SLC35F3: variants seen among roughly 807,000 people sequenced by gnomAD.
SLC35F3 encodes the protein putative thiamine transporter SLC35F3.
A neutral mutation model predicts 49.9 loss-of-function variants in SLC35F3; 25 were observed. The observed-to-expected ratio is 0.50, with a 90% CI of 0.37 to 0.70. SLC35F3 has a LOEUF of 0.70. Among genes scored for constraint, SLC35F3 ranks in the 30% least tolerant of loss-of-function variants. The pLI, the probability that SLC35F3 is intolerant of heterozygous loss-of-function variation, is 0.00. For synonymous variants in SLC35F3, 275 were observed against 265.4 expected, an observed-to-expected ratio of 1.04 and a Z score of -0.35; for missense variants, 525 against 639.8, an observed-to-expected ratio of 0.82 and a Z score of 1.94.
At chr1:234,143,364 T>C (rs144294012) in intron 2 of SLC35F3, among the ~76,000 whole-genome samples, 167 of 151,104 alleles carry the variant, frequency 1.1e-3, no homozygotes, top group Non-Finnish European at 1.8e-3. Flanking sequence ...TTTTGGCTCA[T>C]TGCAATCTCC....
chr1:234,126,748 T>C (rs1392534352), intron 2 of SLC35F3, among the ~76,000 whole-genome samples: 1 of 152,100 alleles, frequency 6.6e-6, no homozygotes, highest in Admixed American at 6.6e-5. Context: ...TGGAGTGGAG[T>C]ACAGAAGCAC....
At position 233,943,672 on chromosome 1, in the gene SLC35F3, C is replaced by G. The variant is rs574481324; in HGVS notation, c.283+37914C>G. Among the ~76,000 whole-genome samples, 5 of 152,174 alleles carry G rather than the reference C, an allele frequency of 3.3e-5. No individual in the cohort carries two copies. In the East Asian group the frequency reaches 9.7e-4, roughly 29 times the overall value. ...TAAATATGGAATAAATCCATATGGGCTTGGCTATATATATCTGGTAATGTG... is the reference window on the plus strand; with the variant it reads ...TAAATATGGAATAAATCCATATGGGGTTGGCTATATATATCTGGTAATGTG... On this transcript the variant is annotated intron_variant, in intron 2 of 7. Coordinates refer to ENST00000366618, the MANE Select transcript of SLC35F3 (RefSeq NM_173508.4).
At chr1:234,244,091 T>C (rs1667595018) in intron 3 of SLC35F3, among the ~76,000 whole-genome samples, 2 of 152,184 alleles carry the variant, frequency 1.3e-5, no homozygotes, top group African/African-American at 4.8e-5. Flanking sequence ...GCATAACAGC[T>C]AGCATGACAT....
At chr1:233,976,951 A>G (rs1663103332) in intron 2 of SLC35F3, among the ~76,000 whole-genome samples, 4 of 152,234 alleles carry the variant, frequency 2.6e-5, no homozygotes, top group Non-Finnish European at 4.4e-5. Flanking sequence ...CAAATGTGAT[A>G]CTGGTAGCCT....
At chr1:234,258,390 G>A (rs559201322) in intron 3 of SLC35F3, among the ~76,000 whole-genome samples, 1 of 152,312 alleles carries the variant, frequency 6.6e-6, no homozygotes, top group South Asian at 2.1e-4. Flanking sequence ...TAGGTTTTAC[G>A]ATAATGATAT....
chr1:234,044,637 G>T (rs1175706139), intron 2 of SLC35F3, among the ~76,000 whole-genome samples: 1 of 152,108 alleles, frequency 6.6e-6, no homozygotes, highest in African/African-American at 2.4e-5. Context: ...TCAATTTCAA[G>T]GGTATAAAAT....
intron 3 of SLC35F3, among the ~76,000 whole-genome samples, chr1:234,273,884 G>A (rs1384994464): frequency 6.6e-6 from 1 of 152,138 alleles, no homozygotes; most frequent in East Asian, 1.9e-4. Context: ...GAAGCAAAAG[G>A]TAAGACTGAC....
At chr1:233,993,069 AACTGACTTC>A (rs1663391217) in intron 2 of SLC35F3, among the ~76,000 whole-genome samples, 1 of 152,132 alleles carries the variant, frequency 6.6e-6, no homozygotes, top group Non-Finnish European at 1.5e-5. Context: ...TTGCTCTTCA[AACTGACTTC>A]CATGGAAGAA....
chr1:234,175,839 A>T (rs1276579953), intron 2 of SLC35F3, among the ~76,000 whole-genome samples: 4 of 152,166 alleles, frequency 2.6e-5, no homozygotes, highest in African/African-American at 9.7e-5. Flanking sequence ...GGTTCCCAGT[A>T]GGATGGCCAG....
At chr1:234,284,111 C>T (rs1460925034) in intron 3 of SLC35F3, among the ~76,000 whole-genome samples, 1 of 152,156 alleles carries the variant, frequency 6.6e-6, no homozygotes, top group East Asian at 1.9e-4. Context: ...CACTATGTTG[C>T]CCAGGCTGGT....
intron 2 of SLC35F3, among the ~76,000 whole-genome samples, chr1:234,065,305 C>A (rs978491589): frequency 6.6e-6 from 1 of 152,124 alleles, no homozygotes; most frequent in African/African-American, 2.4e-5. Flanking sequence ...TGCCACCACG[C>A]CCGGCTAATT....
At chr1:234,112,722 ATTTTTTT>A (rs1157248348) in intron 2 of SLC35F3, among the ~76,000 whole-genome samples, 1 of 33,546 alleles carries the variant, frequency 3.0e-5, no homozygotes, top group Non-Finnish European at 4.9e-5. Context: ...TGCCCAGCTA[ATTTTTTT>A]TTTTTTTTTT....
chr1:233,974,913 A>G (rs1435019555), intron 2 of SLC35F3, among the ~76,000 whole-genome samples: 1 of 152,244 alleles, frequency 6.6e-6, no homozygotes, highest in East Asian at 1.9e-4. Flanking sequence ...AGTAAATGGA[A>G]TCAGATTCTA....
intron 2 of SLC35F3, among the ~76,000 whole-genome samples, chr1:233,930,098 A>G (rs1395558025): frequency 6.6e-6 from 1 of 151,780 alleles, no homozygotes; most frequent in Non-Finnish European, 1.5e-5. Flanking sequence ...ATGATGAGCT[A>G]TGATTCTGCT....
chr1:234,147,357 G>GT (rs1218869116), intron 2 of SLC35F3, among the ~76,000 whole-genome samples: 1 of 149,348 alleles, frequency 6.7e-6, no homozygotes, highest in Middle Eastern at 3.5e-3. Context: ...AATTTACTGT[G>GT]TTTTTTGTTT....
intron 2 of SLC35F3, among the ~76,000 whole-genome samples, chr1:233,982,588 G>T (rs185593521): frequency 6.6e-5 from 10 of 152,224 alleles, no homozygotes; most frequent in Admixed American, 3.9e-4. Flanking sequence ...TGGTCAGCCT[G>T]GTCTCGAACT....
chr1:234,037,372 T>C (rs1285591209), intron 2 of SLC35F3, among the ~76,000 whole-genome samples: 1 of 152,208 alleles, frequency 6.6e-6, no homozygotes, highest in Non-Finnish European at 1.5e-5. Flanking sequence ...AAGCTATTCA[T>C]GAGGGATCTG....
intron 2 of SLC35F3, among the ~76,000 whole-genome samples, chr1:233,981,959 CCTCT>C (rs1308082129): frequency 2.6e-5 from 4 of 152,124 alleles, no homozygotes; most frequent in Non-Finnish European, 5.9e-5. Flanking sequence ...ACAGAGTCTC[CCTCT>C]GTCGCCCAGG....
intron 3 of SLC35F3, among the ~76,000 whole-genome samples, chr1:234,282,427 A>G (rs78355359): frequency 0.059 from 8,967 of 152,278 alleles, 339 homozygotes; most frequent in African/African-American, 0.1. Flanking sequence ...TGACCTCAGA[A>G]GACAGCCCCA....
Sources: gnomAD v4.1 joint callset for allele counts (sites outside exome capture counted in the v4.1 genomes callset) on GRCh38, gnomAD v4.1.1 for gene constraint, MANE v1.5 for transcripts, NCBI Gene and HGNC (gene_info 2026-07-23, HGNC 2026-07-21) for gene names.